EFEMP1: variants seen among roughly 807,000 people sequenced by gnomAD.
EFEMP1 encodes EGF-like fibulin extracellular matrix protein 1, also known as EGF-containing fibulin-like extracellular matrix protein 1.
A neutral mutation model predicts 65.7 loss-of-function variants in EFEMP1; 18 were observed. The observed-to-expected ratio is 0.27, with a 90% CI of 0.19 to 0.41. The LOEUF (loss-of-function observed/expected upper bound fraction) is 0.41, where lower values mean the gene tolerates loss of function less well. Ranked by LOEUF, EFEMP1 falls within the 10% of genes least tolerant of loss-of-function variation. The pLI is 1.00. For missense variants in EFEMP1, 469 were observed against 624.8 expected, an observed-to-expected ratio of 0.75 and a Z score of 2.66; for synonymous variants, 237 against 219.7, an observed-to-expected ratio of 1.08 and a Z score of -0.70.
At chr2:55,906,875 G>A (rs1199057159) in intron 5 of EFEMP1, among the ~76,000 whole-genome samples, 1 of 152,116 alleles carries the variant, frequency 6.6e-6, no homozygotes, top group Admixed American at 6.5e-5. Flanking sequence ...TAAAATAGTG[G>A]GTCAGGATGA....
rs989521120 is a variant in EFEMP1, at chr2:55,871,789, G to A, written c.1001-666C>T. On this transcript the variant is annotated intron_variant, in intron 9 of 11. Transcript: ENST00000355426. This position sits in a 1 kb window ranked among gnomAD's most constrained non-coding sequence, Gnocchi z 4.2. ...TGCTGGGAGTGGATTATACTGTCCAGAGGAAGCACAGCACAGGAAGTGAAA... is the reference window on the plus strand; with the variant it reads ...TGCTGGGAGTGGATTATACTGTCCAAAGGAAGCACAGCACAGGAAGTGAAA... 2.6e-5 allele frequency among the ~76,000 whole-genome samples: 4 copies of A among 152,088 alleles called. No individual in the cohort carries two copies. The highest frequency in any genetic ancestry group is 9.7e-5 in the African/African-American group (4 of 41,426).
At chr2:55,893,254 T>C (rs938998070) in intron 5 of EFEMP1, among the ~76,000 whole-genome samples, 4 of 152,216 alleles carry the variant, frequency 2.6e-5, no homozygotes, top group Non-Finnish European at 5.9e-5. Flanking sequence ...TGTAGTTGCT[T>C]ATGCTAGCTT....
At chr2:55,895,296 A>G (rs531508913) in intron 5 of EFEMP1, among the ~76,000 whole-genome samples, 1 of 152,362 alleles carries the variant, frequency 6.6e-6, no homozygotes, top group Non-Finnish European at 1.5e-5. Flanking sequence ...ATGGTTCCAT[A>G]CATAAAATTG....
At chr2:55,914,531 G>A (rs887879465) in intron 5 of EFEMP1, among the ~76,000 whole-genome samples, 8 of 152,212 alleles carry the variant, frequency 5.3e-5, no homozygotes, top group African/African-American at 1.4e-4. Context: ...TTATTTAGAA[G>A]CCATCTGTGA....
chr2:55,911,571 C>T (rs1486539203), intron 5 of EFEMP1, among the ~76,000 whole-genome samples: 1 of 151,940 alleles, frequency 6.6e-6, no homozygotes, highest in Non-Finnish European at 1.5e-5. Context: ...AGTATAATCC[C>T]AGAACCAGAT....
chr2:55,876,479 T>C, intron 8 of EFEMP1, 144 bp downstream of exon 8: 1 of 1,175,862 alleles, frequency 8.5e-7, no homozygotes, highest in Non-Finnish European at 1.2e-6. Context: ...AAAGGCAATG[T>C]AACAACTGAA....
chr2:55,872,767 G>C (rs1668863162), intron 9 of EFEMP1, among the ~76,000 whole-genome samples: 1 of 152,030 alleles, frequency 6.6e-6, no homozygotes, highest in Non-Finnish European at 1.5e-5. Context: ...GCTGAAGAAA[G>C]AAAACTTAGA....
At chr2:55,904,569 G>A (rs1408444561) in intron 5 of EFEMP1, among the ~76,000 whole-genome samples, 1 of 152,208 alleles carries the variant, frequency 6.6e-6, no homozygotes, top group East Asian at 1.9e-4. Flanking sequence ...ATAGAACAAA[G>A]AGTCAGAGGA....
intron 5 of EFEMP1, among the ~76,000 whole-genome samples, chr2:55,900,669 T>G (rs78562787): frequency 6.6e-6 from 1 of 151,876 alleles, no homozygotes; most frequent in Admixed American, 6.6e-5. Flanking sequence ...TTCTCTATTT[T>G]TCTCTCTGGT....
chr2:55,904,652 A>G lies in EFEMP1; in HGVS notation c.517+13013T>C, dbSNP rs189521479. On this transcript the variant is annotated intron_variant, in intron 5 of 11. Transcript: ENST00000355426. ...CCTGCCCTTAAGAAAGGAGCATTGG[A>G]GCTACTCCTGGTTCTCAGATTTTTT... Among the ~76,000 whole-genome samples, 266 of 152,276 alleles carry G rather than the reference A, an allele frequency of 1.7e-3. 2 individuals carry two copies. The highest frequency in any genetic ancestry group is 6.3e-3 in the African/African-American group (261 of 41,564).
At chr2:55,914,987 T>C (rs1421543325) in intron 5 of EFEMP1, among the ~76,000 whole-genome samples, 1 of 152,244 alleles carries the variant, frequency 6.6e-6, no homozygotes, top group African/African-American at 2.4e-5. Context: ...CTGGACTGCA[T>C]GTTTGATTAG....
At chr2:55,890,435 T>C (rs13425054) in intron 5 of EFEMP1, among the ~76,000 whole-genome samples, 2,038 of 152,130 alleles carry the variant, frequency 0.013, 51 homozygotes, top group African/African-American at 0.047. Flanking sequence ...TTTTCAGAAA[T>C]GAATAGAAAA....
At chr2:55,908,036 T>A (rs1350873142) in intron 5 of EFEMP1, among the ~76,000 whole-genome samples, 2 of 152,224 alleles carry the variant, frequency 1.3e-5, no homozygotes, top group Non-Finnish European at 2.9e-5. Flanking sequence ...GTAAGCTCTG[T>A]TCTTTCTTCC....
intron 6 of EFEMP1, among the ~76,000 whole-genome samples, chr2:55,881,378 A>G (rs1278849697): frequency 1.3e-5 from 2 of 152,178 alleles, no homozygotes; most frequent in African/African-American, 2.4e-5. Context: ...TTCATACCCC[A>G]AATTTCTGCT....
chr2:55,893,635 T>C (rs371660668), intron 5 of EFEMP1, among the ~76,000 whole-genome samples: 1 of 152,164 alleles, frequency 6.6e-6, no homozygotes, highest in Non-Finnish European at 1.5e-5. Flanking sequence ...AAAATGGAGG[T>C]ACCTGGTCCA....
chr2:55,869,591 A>G (rs1668721491), intron 11 of EFEMP1, among the ~76,000 whole-genome samples: 4 of 152,206 alleles, frequency 2.6e-5, no homozygotes. Flanking sequence ...GGAAATTAAT[A>G]TATCAAAAAA....
Position 55,881,736 on chromosome 2 carries a change from TGTCA to T in EFEMP1, c.518-6_518-3del, listed in dbSNP as rs1435450274. On this transcript the variant is annotated splice_polypyrimidine_tract_variant and splice_region_variant and intron_variant, in intron 5 of 11. Coordinates refer to ENST00000355426, the MANE Select transcript of EFEMP1 (RefSeq NM_001039348.3). ...TCCCTGCAGTGCACTCGTCTATGTC[TGTCA>T]GAGACATGCAACACAGAAAGAATTG... 6.2e-7 allele frequency: 1 copy of T among 1,613,938 alleles called. No homozygotes were observed. Among genetic ancestry groups the T allele is most frequent in the Non-Finnish European group, 8.5e-7 (1 of 1,179,848 alleles).
chr2:55,881,856 T>C lies in EFEMP1; in HGVS notation c.518-122A>G, dbSNP rs1669256259. The C allele has an allele frequency of 6.4e-6, 8 of 1,256,636 alleles. No homozygotes were observed. In the South Asian group the frequency reaches 7.5e-5, roughly 12 times the overall value. The allele number at this position is 1,256,636 out of a possible 1,614,324, so 77.8% of individuals were successfully genotyped here. ...CTTAAAAGTTTATAATGTTCTTGCA[T>C]TGGAAATGTTTAAAATTATAAATTA... is the stretch of plus-strand genomic sequence containing the variant. On this transcript the variant is annotated intron_variant, in intron 5 of 11. Transcript: ENST00000355426.
chr2:55,895,207 C>T (rs1166149613), intron 5 of EFEMP1, among the ~76,000 whole-genome samples: 4 of 152,236 alleles, frequency 2.6e-5, no homozygotes, highest in Admixed American at 6.5e-5. Flanking sequence ...CAAGACCTGC[C>T]TGTGACTGTG....
Sources: allele counts gnomAD v4.1 joint callset (sites outside exome capture counted in the v4.1 genomes callset), GRCh38; gene constraint gnomAD v4.1.1; non-coding constraint Gnocchi (gnomAD v3.1); transcripts MANE v1.5; gene names NCBI Gene and HGNC (gene_info 2026-07-23, HGNC 2026-07-21).